The following TBC1D10A variants were observed in gnomAD, a reference collection of about 807,000 sequenced individuals.
TBC1D10A encodes TBC1 domain family member 10A.
TBC1D10A carries 24 observed loss-of-function variants against 52.9 expected under a neutral mutation model. That is an observed-to-expected ratio of 0.45 (90% CI 0.33 to 0.64). The LOEUF is 0.64. Ranked by LOEUF, TBC1D10A falls within the 30% of genes least tolerant of loss-of-function variation. The pLI is 0.02. For synonymous variants in TBC1D10A, 278 were observed against 282.9 expected (o/e 0.98, Z 0.17); for missense variants, 602 against 687.9 (o/e 0.88, Z 1.40).
intron 2 of TBC1D10A, among the ~76,000 whole-genome samples, chr22:30,301,308 C>T (rs1265797965): frequency 1.3e-5 from 2 of 152,176 alleles, no homozygotes; most frequent in Non-Finnish European, 2.9e-5. Flanking sequence ...GCCAATGATA[C>T]TCCCTCAACC....
At chr22:30,325,908 T>C (rs1033551784) in intron 1 of TBC1D10A, among the ~76,000 whole-genome samples, 9 of 152,214 alleles carry the variant, frequency 5.9e-5, no homozygotes, top group African/African-American at 2.2e-4. Flanking sequence ...GAGCTGATGG[T>C]CTGTCCTAGT....
At position 30,293,706 on chromosome 22, in the gene TBC1D10A, T is replaced by C; in HGVS notation, c.995A>G (p.Glu332Gly). Residue 332 changes from glutamate (E) to glycine (G), a missense_variant, in exon 8 of 9, where the codon GAG (glutamate) becomes GGG (glycine). Physicochemically the swap from Glu to Gly is moderately conservative, Grantham distance 98. This residue lies in a region of TBC1D10A where 265 missense variants were observed against 275.1 expected (regional missense o/e 0.96). Transcript: ENST00000215790. ...CTTGGGGCTGAGGCTCCGCAGTCGC[T>C]CGATGGTCTCGTACTGGCCCTGGCA... ...KACQGQYETI[E>G]RLRSLSPKIM... 6.2e-7 allele frequency: 1 copy of C among 1,612,882 alleles called. No individual in the cohort carries two copies. Among genetic ancestry groups the C allele is most frequent in the South Asian group, 1.1e-5 (1 of 91,058 alleles).
intron 1 of TBC1D10A, among the ~76,000 whole-genome samples, chr22:30,311,629 C>T (rs1930428000): frequency 6.6e-6 from 1 of 152,196 alleles, no homozygotes. Context: ...CTCTGCCCAG[C>T]TCTCTACTCT....
rs1176592823 is a variant in TBC1D10A, at chr22:30,295,718, T to G, written c.524+19A>C. On this transcript the variant is annotated intron_variant, in intron 4 of 8. Coordinates refer to ENST00000215790, the MANE Select transcript of TBC1D10A (RefSeq NM_031937.3). ...GGCCCTAGAGCCACCTCCCACCTCATGAGGCCCAGCCTGCTCACCCGTGGC... is the reference window on the plus strand; with the variant it reads ...GGCCCTAGAGCCACCTCCCACCTCAGGAGGCCCAGCCTGCTCACCCGTGGC... The G allele has an allele frequency of 1.2e-6, 2 of 1,613,430 alleles. No homozygotes were observed. The highest frequency in any genetic ancestry group is 8.5e-7 in the Non-Finnish European group (1 of 1,179,674).
At chr22:30,298,231 CT>C (rs1276169213) in intron 3 of TBC1D10A, 1 of 152,278 alleles carries the variant, frequency 6.6e-6, no homozygotes, top group Admixed American at 6.5e-5. Context: ...GTTCCCACCC[CT>C]GAGCCTCCCA....
intron 1 of TBC1D10A, among the ~76,000 whole-genome samples, chr22:30,312,195 C>T (rs1297244097): frequency 6.6e-6 from 1 of 152,238 alleles, no homozygotes; most frequent in South Asian, 2.1e-4. Flanking sequence ...CCTTGGATCA[C>T]AATCTCACTG....
chr22:30,311,581 G>A (rs975841668), intron 1 of TBC1D10A, among the ~76,000 whole-genome samples: 4 of 152,188 alleles, frequency 2.6e-5, no homozygotes, highest in Admixed American at 1.3e-4. Context: ...ATGGTAAACA[G>A]GTTCTCTCCA....
At chr22:30,301,023 T>A (rs1319708702) in intron 2 of TBC1D10A, among the ~76,000 whole-genome samples, 1 of 152,184 alleles carries the variant, frequency 6.6e-6, no homozygotes, top group Non-Finnish European at 1.5e-5. Context: ...AAATGGGGCA[T>A]TGAGGGTAGG....
intron 1 of TBC1D10A, among the ~76,000 whole-genome samples, chr22:30,324,900 A>C (rs1263120024): frequency 6.6e-6 from 1 of 152,202 alleles, no homozygotes; most frequent in African/African-American, 2.4e-5. Flanking sequence ...CTGCACCCCA[A>C]GATCTGGTTG....
intron 8 of TBC1D10A, 143 bp downstream of exon 8, chr22:30,293,508 G>A: frequency 1.6e-6 from 2 of 1,228,468 alleles, no homozygotes; most frequent in Non-Finnish European, 2.3e-6. Flanking sequence ...GAAGGATGAG[G>A]TCCACCCACA....
chr22:30,326,644 G>A, intron 1 of TBC1D10A, 29 bp downstream of exon 1: 2 of 1,557,788 alleles, frequency 1.3e-6, no homozygotes, highest in Admixed American at 1.8e-5. Context: ...TGGGTGGCGC[G>A]CTCAGTCCCG....
At position 30,326,829 on chromosome 22, in the gene TBC1D10A, C is replaced by G. The variant is rs1930789477; in HGVS notation, c.53G>C (p.Ser18Thr). The stretch of plus-strand genomic sequence containing the variant: ...CAGGCTCTCCCGGGTTCCCGACAGG[C>G]TTTCCCCGGCCGCGGGCGCGCGCGG... ...NGPRAPAAGE[S>T]LSGTRESLAQ... Residue 18 changes from serine to threonine, a missense_variant, in exon 1 of 9, where the codon AGC becomes ACC. By Grantham distance (58) the Ser-to-Thr change is moderately conservative (BLOSUM62 1). Coordinates refer to ENST00000215790, the MANE Select transcript of TBC1D10A (RefSeq NM_031937.3). The G allele has an allele frequency of 6.8e-7, 1 of 1,472,878 alleles. No homozygotes were observed. The highest frequency in any genetic ancestry group is 1.5e-5 in the African/African-American group (1 of 67,956). 91.2% of individuals were successfully genotyped at this position (1,472,878 alleles called of 1,614,324 possible). A position where few individuals can be genotyped will look rare whatever the true frequency, so the allele number is the denominator to read the frequency against.
At chr22:30,311,512 C>G (rs1389088194) in intron 1 of TBC1D10A, among the ~76,000 whole-genome samples, 1 of 152,170 alleles carries the variant, frequency 6.6e-6, no homozygotes, top group Non-Finnish European at 1.5e-5. Flanking sequence ...CTGGGGCTGC[C>G]TGTCTTTCCC....
chr22:30,317,048 A>G (rs1930552506), intron 1 of TBC1D10A, among the ~76,000 whole-genome samples: 1 of 152,110 alleles, frequency 6.6e-6, no homozygotes, highest in African/African-American at 2.4e-5. Context: ...CTTAAAAACA[A>G]ACACACATAC....
intron 2 of TBC1D10A, among the ~76,000 whole-genome samples, chr22:30,301,718 C>G (rs1006310008): frequency 2.6e-5 from 4 of 152,280 alleles, no homozygotes; most frequent in Admixed American, 2.6e-4. Flanking sequence ...CAAGAGAAAA[C>G]TTTCCAAGGG....
chr22:30,319,137 C>T (rs1215971740), intron 1 of TBC1D10A, among the ~76,000 whole-genome samples: 2 of 152,188 alleles, frequency 1.3e-5, no homozygotes, highest in Non-Finnish European at 2.9e-5. Flanking sequence ...CACATGGGCC[C>T]CCTCTCATCC....
chr22:30,321,318 C>G (rs1410235742), intron 1 of TBC1D10A, among the ~76,000 whole-genome samples: 1 of 152,194 alleles, frequency 6.6e-6, no homozygotes, highest in South Asian at 2.1e-4. Flanking sequence ...AGATGGGCCA[C>G]CCAGGGACCA....
intron 2 of TBC1D10A, among the ~76,000 whole-genome samples, chr22:30,303,658 G>C (rs1930252672): frequency 6.6e-6 from 1 of 152,248 alleles, no homozygotes; most frequent in South Asian, 2.1e-4. Flanking sequence ...TGCCAGCCTG[G>C]ATCAGACCAG....
At chr22:30,296,694 C>G (rs538034555) in intron 3 of TBC1D10A, 3 of 152,240 alleles carry the variant, frequency 2.0e-5, no homozygotes, top group African/African-American at 7.2e-5. Flanking sequence ...GAAATGTTCT[C>G]TACCTTGATC....
Sources: allele counts gnomAD v4.1 joint callset (sites outside exome capture counted in the v4.1 genomes callset), GRCh38; gene constraint gnomAD v4.1.1; regional missense constraint gnomAD v4.1.1; transcripts MANE v1.5; gene names NCBI Gene and HGNC (gene_info 2026-07-23, HGNC 2026-07-21).